The following NEK5 variants were observed in gnomAD, a reference collection of about 807,000 sequenced individuals.
NEK5 encodes the protein serine/threonine-protein kinase Nek5.
Under a neutral mutation model 109.2 loss-of-function variants are expected in NEK5, and 88 were observed. The ratio of observed to expected loss-of-function variants is 0.81; its 90% CI spans 0.68 to 0.96. The LOEUF is 0.96. Ranked by LOEUF, NEK5 falls within the 40% of genes least tolerant of loss-of-function variation. The pLI, the probability that NEK5 is intolerant of heterozygous loss-of-function variation, is 0.00. For missense variants in NEK5, 834 were observed against 920.7 expected, an observed-to-expected ratio of 0.91 and a Z score of 1.22; for synonymous variants, 283 against 299.9, an observed-to-expected ratio of 0.94 and a Z score of 0.58.
chr13:52,061,740 T>C, intron 22 of NEK5, 79 bp downstream of exon 22: 1 of 531,816 alleles, frequency 1.9e-6, no homozygotes, highest in Non-Finnish European at 2.4e-6. Context: ...TGAAGGTATT[T>C]TTATCCCCTT....
At chr13:52,112,194 C>T (rs1217687555) in intron 5 of NEK5, 74 bp downstream of exon 5, 1 of 775,400 alleles carries the variant, frequency 1.3e-6, no homozygotes, top group Non-Finnish European at 2.2e-6. Context: ...TAGTCTACTA[C>T]TTATGACATT....
intron 19 of NEK5, among the ~76,000 whole-genome samples, chr13:52,073,878 GCC>G (rs1954821304): frequency 6.6e-6 from 1 of 151,974 alleles, no homozygotes; most frequent in African/African-American, 2.4e-5. Flanking sequence ...ATTTACAATA[GCC>G]ACCAAAAAAT....
intron 19 of NEK5, 31 bp from the exon 20 acceptor site, chr13:52,072,101 A>C: frequency 6.4e-7 from 1 of 1,567,450 alleles, no homozygotes; most frequent in East Asian, 2.2e-5. Flanking sequence ...TTCATGATAA[A>C]TTAGCCATAT....
chr13:52,061,533 A>G (rs1954614546), intron 22 of NEK5, among the ~76,000 whole-genome samples: 2 of 152,222 alleles, frequency 1.3e-5, no homozygotes, highest in Admixed American at 6.5e-5. Flanking sequence ...GGTAGAGCAA[A>G]ACAATACTGG....
rs1198812863 is a variant in NEK5 at position 52,071,929 on chromosome 13, T to A, written c.1849+15A>T. On this transcript the variant is annotated intron_variant, in intron 20 of 23. Coordinates refer to ENST00000684899, the MANE Select transcript of NEK5 (RefSeq NM_001365552.1). ...AACAGTTCCTTCTCATTTACAACTT[T>A]CAAGAAACACATACCTGCTTCTGGG... The A allele has an allele frequency of 5.0e-6, 8 of 1,612,090 alleles. No homozygotes were observed. Among genetic ancestry groups the A allele is most frequent in the Non-Finnish European group, 6.8e-6 (8 of 1,178,706 alleles).
At chr13:52,071,880 G>C in intron 20 of NEK5, 64 bp downstream of exon 20, 4 of 1,454,912 alleles carry the variant, frequency 2.7e-6, no homozygotes, top group Non-Finnish European at 3.9e-6. Flanking sequence ...CATGGGGACA[G>C]AGTTCAAAAT....
intron 3 of NEK5, among the ~76,000 whole-genome samples, chr13:52,126,480 G>A (rs1399034014): frequency 6.6e-6 from 1 of 152,168 alleles, no homozygotes; most frequent in East Asian, 1.9e-4. Flanking sequence ...ATACATGCTA[G>A]TAAGAAAATA....
chr13:52,127,316 C>A, intron 3 of NEK5, 50 bp downstream of exon 3: 2 of 930,080 alleles, frequency 2.2e-6, no homozygotes, highest in African/African-American at 1.7e-5. Context: ...GGATTAAAAG[C>A]CAGCTGAATA....
At chr13:52,045,244 C>G (rs1954446940) in intron 23 of NEK5, among the ~76,000 whole-genome samples, 1 of 146,870 alleles carries the variant, frequency 6.8e-6, no homozygotes, top group African/African-American at 2.5e-5. Flanking sequence ...ATTCTCCTGA[C>G]TCAGCCTGCC....
chr13:52,065,358 G>C (rs766387659), intron 21 of NEK5, 126 bp downstream of exon 21: 2 of 1,302,774 alleles, frequency 1.5e-6, no homozygotes, highest in Middle Eastern at 1.8e-4. Context: ...CAACATATTT[G>C]AAAGTGTCTG....
Position 52,129,039 on chromosome 13 carries a change from G to T in NEK5, c.-101C>A, listed in dbSNP as rs1956125999. On this transcript the variant is annotated 5_prime_UTR_variant, in exon 1 of 24. Coordinates refer to ENST00000684899, the MANE Select transcript of NEK5 (RefSeq NM_001365552.1). ...CCCCTGCAAGCGTACCTGCTCCGCC[G>T]GCTCCGCGGGGCCAACGAAGCGTCC... 1 of 152,234 alleles carries T rather than the reference G, an allele frequency of 6.6e-6. No homozygotes were observed. Among genetic ancestry groups the T allele is most frequent in the Admixed American group, 6.5e-5 (1 of 15,286 alleles). The allele number at this position is 152,234 out of a possible 1,614,324, so 9.4% of individuals were successfully genotyped here.
chr13:52,051,139 A>C (rs1954502775), intron 22 of NEK5, among the ~76,000 whole-genome samples: 1 of 151,846 alleles, frequency 6.6e-6, no homozygotes, highest in South Asian at 2.1e-4. Context: ...ACGTTTTTTA[A>C]AGGCCTTTTC....
chr13:52,067,979 A>G (rs1452945861), intron 20 of NEK5, among the ~76,000 whole-genome samples: 4 of 152,188 alleles, frequency 2.6e-5, no homozygotes, highest in African/African-American at 9.7e-5. Flanking sequence ...GGCATGAACT[A>G]CCATGCCTGG....
chr13:52,066,956 A>G (rs1289833474), intron 20 of NEK5, among the ~76,000 whole-genome samples: 1 of 152,174 alleles, frequency 6.6e-6, no homozygotes, highest in Non-Finnish European at 1.5e-5. Flanking sequence ...CAATTGGCCC[A>G]GCAGCATTTA....
At chr13:52,107,432 A>T (rs1399484110) in intron 8 of NEK5, among the ~76,000 whole-genome samples, 3 of 152,056 alleles carry the variant, frequency 2.0e-5, no homozygotes, top group African/African-American at 7.2e-5. Flanking sequence ...CTCTACTAAA[A>T]ACACAAAACT....
At chr13:52,108,516 T>G in intron 7 of NEK5, 112 bp from the exon 8 acceptor site, 1 of 608,254 alleles carries the variant, frequency 1.6e-6, no homozygotes, top group Non-Finnish European at 2.9e-6. Flanking sequence ...CAAGATTTGA[T>G]GCATACATGT....
chr13:52,039,079 C>T (rs145185329), intron 23 of NEK5, among the ~76,000 whole-genome samples: 1 of 152,090 alleles, frequency 6.6e-6, no homozygotes, highest in East Asian at 1.9e-4. Flanking sequence ...ACCTGCAGAG[C>T]ATGGGCTTTC....
intron 8 of NEK5, among the ~76,000 whole-genome samples, chr13:52,107,136 A>C (rs1429031267): frequency 1.3e-5 from 2 of 152,198 alleles, no homozygotes; most frequent in Non-Finnish European, 2.9e-5. Flanking sequence ...CTTTAAATGA[A>C]GAGAAATGGC....
At chr13:52,083,123 C>T (rs370197414) in intron 17 of NEK5, 137 bp downstream of exon 17, 9 of 578,450 alleles carry the variant, frequency 1.6e-5, no homozygotes, top group Middle Eastern at 3.4e-4. Context: ...TCCAACCTGG[C>T]GACAGAGTGA....
Sources: allele counts gnomAD v4.1 joint callset (sites outside exome capture counted in the v4.1 genomes callset), GRCh38; gene constraint gnomAD v4.1.1; transcripts MANE v1.5; gene names NCBI Gene and HGNC (gene_info 2026-07-23, HGNC 2026-07-21).